Variants in SDHAF3 observed in about 807,000 individuals in gnomAD.
The protein encoded by SDHAF3 is succinate dehydrogenase complex assembly factor 3, also known as succinate dehydrogenase assembly factor 3, mitochondrial.
In SDHAF3, 18 loss-of-function variants were observed where a neutral mutation model predicts 11.5. The ratio of observed to expected loss-of-function variants is 1.56; its 90% confidence interval spans 1.08 to 2.32. The LOEUF (loss-of-function observed/expected upper bound fraction) is 2.32. Ranked by LOEUF, SDHAF3 falls within the 30% of genes most tolerant of loss-of-function variation. The probability of loss-of-function intolerance (pLI) is 0.00; values close to 1 mark genes in which losing one functional copy is unlikely to be tolerated. For synonymous variants in SDHAF3, 72 were observed against 59.3 expected (o/e 1.21, Z -0.99); for missense variants, 200 against 154.4 (o/e 1.30, Z -1.57).
At chr7:97,138,325 A>G (rs1197241299) in intron 1 of SDHAF3, among the ~76,000 whole-genome samples, 1 of 151,626 alleles carries the variant, frequency 6.6e-6, no homozygotes, top group African/African-American at 2.4e-5. Flanking sequence ...ACACCTGGCT[A>G]ATTTTTTGTG....
intron 1 of SDHAF3, among the ~76,000 whole-genome samples, chr7:97,174,069 G>GCCA (rs1353119380): frequency 6.6e-6 from 1 of 151,892 alleles, no homozygotes; most frequent in Non-Finnish European, 1.5e-5. Context: ...ACAGGCATAT[G>GCCA]CCACCACACT....
chr7:97,178,383 A>C (rs1789718100), intron 1 of SDHAF3, among the ~76,000 whole-genome samples: 1 of 152,204 alleles, frequency 6.6e-6, no homozygotes, highest in East Asian at 1.9e-4. Context: ...TTTTGGTAAT[A>C]TACCTATGAG....
In SDHAF3 at chr7:97,117,907, G is replaced by T. The variant is rs372734240; in HGVS notation, c.174+10G>T. 1 of 1,613,196 alleles carries T rather than the reference G, an allele frequency of 6.2e-7. No homozygotes were observed. The highest frequency in any genetic ancestry group is 8.5e-7 in the Non-Finnish European group (1 of 1,179,370). On this transcript the variant is annotated intron_variant, in intron 1 of 1. Coordinates refer to ENST00000432641, the MANE Select transcript of SDHAF3 (RefSeq NM_020186.3). ...CTTGCAAGAATGGGAGGCAAGTGAC[G>T]CTCCCTTCTCTTTGCCCAAGACCTT...
chr7:97,168,631 T>C (rs958805199), intron 1 of SDHAF3, among the ~76,000 whole-genome samples: 3 of 152,158 alleles, frequency 2.0e-5, no homozygotes, highest in Non-Finnish European at 4.4e-5. Flanking sequence ...TGTGGGCTAA[T>C]GAAGATGGAA....
intron 1 of SDHAF3, among the ~76,000 whole-genome samples, chr7:97,162,034 A>G (rs1018697727): frequency 6.6e-6 from 1 of 152,178 alleles, no homozygotes; most frequent in Admixed American, 6.5e-5. Flanking sequence ...GGTTGAACTA[A>G]TTTACACTCT....
At chr7:97,162,836 C>T (rs897621962) in intron 1 of SDHAF3, among the ~76,000 whole-genome samples, 6 of 152,014 alleles carry the variant, frequency 3.9e-5, no homozygotes, top group East Asian at 3.9e-4. Context: ...AGAATAATTG[C>T]GATGAGGTGC....
intron 1 of SDHAF3, among the ~76,000 whole-genome samples, chr7:97,159,094 C>G (rs1351406577): frequency 6.6e-6 from 1 of 152,204 alleles, no homozygotes; most frequent in African/African-American, 2.4e-5. Context: ...GCATACACGT[C>G]TTTTAGATTC....
chr7:97,158,375 T>C (rs1246345794), intron 1 of SDHAF3, among the ~76,000 whole-genome samples: 1 of 152,224 alleles, frequency 6.6e-6, no homozygotes, highest in African/African-American at 2.4e-5. Context: ...TTGCCCAGGC[T>C]GGAGTGCAGT....
At chr7:97,123,868 T>C (rs184704435) in intron 1 of SDHAF3, among the ~76,000 whole-genome samples, 1 of 151,778 alleles carries the variant, frequency 6.6e-6, no homozygotes, top group Non-Finnish European at 1.5e-5. Flanking sequence ...TGTAAATTTG[T>C]TTAAGTTCCT....
intron 1 of SDHAF3, among the ~76,000 whole-genome samples, chr7:97,119,275 A>G (rs926162554): frequency 9.2e-5 from 14 of 152,172 alleles, no homozygotes; most frequent in Admixed American, 6.5e-5. Flanking sequence ...TTGGGAGGAA[A>G]TAAGGTTATT....
intron 1 of SDHAF3, among the ~76,000 whole-genome samples, chr7:97,120,949 G>A (rs1791482053): frequency 6.6e-6 from 1 of 152,146 alleles, no homozygotes; most frequent in African/African-American, 2.4e-5. Flanking sequence ...ACCAAGTGGG[G>A]CAACGTGGAA....
At chr7:97,154,115 G>T (rs1789268389) in intron 1 of SDHAF3, among the ~76,000 whole-genome samples, 1 of 151,678 alleles carries the variant, frequency 6.6e-6, no homozygotes, top group South Asian at 2.1e-4. Context: ...GGCAGGGGGT[G>T]GATCTCATAA....
chr7:97,169,591 A>G (rs910460120), intron 1 of SDHAF3, among the ~76,000 whole-genome samples: 2 of 152,132 alleles, frequency 1.3e-5, no homozygotes, highest in African/African-American at 4.8e-5. Flanking sequence ...GATTACATCA[A>G]AATAGAATTT....
At chr7:97,136,343 T>A (rs1791769552) in intron 1 of SDHAF3, 1 of 537,576 alleles carries the variant, frequency 1.9e-6, no homozygotes, top group Admixed American at 3.0e-5. Context: ...AATTTGTTTC[T>A]TTGTGTAAAC....
Position 97,127,188 on chromosome 7 carries a change from T to TC in SDHAF3, c.174+9292dup, listed in dbSNP as rs1368172205. Among the ~76,000 whole-genome samples, 8 of 152,018 alleles carry TC rather than the reference T, an allele frequency of 5.3e-5. No individual in the cohort carries two copies. In the East Asian group the frequency reaches 1.4e-3, roughly 26 times the overall value. ...GGTACCTTAGTTGGAAATGGAGAAA[T>TC]CACCTGCCTTATGTATTGGTCTTGC... On this transcript the variant is annotated intron_variant, in intron 1 of 1. Coordinates refer to ENST00000432641, the MANE Select transcript of SDHAF3 (RefSeq NM_020186.3).
chr7:97,149,520 T>C (rs1789185434), intron 1 of SDHAF3, among the ~76,000 whole-genome samples: 1 of 152,210 alleles, frequency 6.6e-6, no homozygotes, highest in Non-Finnish European at 1.5e-5. Flanking sequence ...AAAGCAAATA[T>C]TGCAATAAAA....
chr7:97,172,692 C>A (rs1396243949), intron 1 of SDHAF3, among the ~76,000 whole-genome samples: 2 of 152,136 alleles, frequency 1.3e-5, no homozygotes, highest in African/African-American at 4.8e-5. Flanking sequence ...AATAAAGGTT[C>A]ACCAGCTATG....
chr7:97,158,184 C>A (rs181832662), intron 1 of SDHAF3, among the ~76,000 whole-genome samples: 1 of 151,998 alleles, frequency 6.6e-6, no homozygotes, highest in East Asian at 1.9e-4. Context: ...CTTTTGGGGG[C>A]TAGGTTAATT....
chr7:97,158,743 C>G (rs1033236828), intron 1 of SDHAF3, among the ~76,000 whole-genome samples: 1 of 152,154 alleles, frequency 6.6e-6, no homozygotes, highest in African/African-American at 2.4e-5. Context: ...AGTGTATGGA[C>G]TATGACCTTA....
Sources: gnomAD v4.1 joint callset for allele counts (sites outside exome capture counted in the v4.1 genomes callset) on GRCh38, gnomAD v4.1.1 for gene constraint, MANE v1.5 for transcripts, NCBI Gene and HGNC (gene_info 2026-07-23, HGNC 2026-07-21) for gene names.